Variants in ATL2 observed in about 807,000 individuals in gnomAD.
ATL2 encodes the protein atlastin-2.
A neutral mutation model predicts 73.9 loss-of-function variants in ATL2; 31 were observed. The ratio of observed to expected loss-of-function variants is 0.42; its 90% CI spans 0.32 to 0.57. ATL2 has a LOEUF of 0.57. ATL2 is among the 20% of genes least tolerant of loss of function. The probability of loss-of-function intolerance (pLI) is 0.14; values close to 1 mark genes in which losing one functional copy is unlikely to be tolerated. For synonymous variants in ATL2, 291 were observed against 237.5 expected (o/e 1.23, Z -2.07); for missense variants, 738 against 702.6 (o/e 1.05, Z -0.57).
At chr2:38,358,626 AGCT>A (rs1232591233) in intron 1 of ATL2, 2 of 238,896 alleles carry the variant, frequency 8.4e-6, no homozygotes, top group Non-Finnish European at 9.1e-6. Context: ...CAAGAGGCGG[AGCT>A]TGCAGTGAGC....
At chr2:38,300,205 G>C in intron 10 of ATL2, 67 bp downstream of exon 10, 1 of 1,369,118 alleles carries the variant, frequency 7.3e-7, no homozygotes, top group Non-Finnish European at 1.0e-6. Context: ...TCTCTCTAAA[G>C]CAAAGATTTT....
chr2:38,365,549 CG>C (rs1192678393), intron 1 of ATL2, among the ~76,000 whole-genome samples: 1 of 151,994 alleles, frequency 6.6e-6, no homozygotes, highest in African/African-American at 2.4e-5. Flanking sequence ...TTAGCACTTT[CG>C]GAGGCCAAGG....
In ATL2 at chr2:38,298,205, G is replaced by C; in HGVS notation, c.1571C>G (p.Ser524Cys). The change falls in exon 12 of 13, where the codon TCT becomes TGT. Residue 524 changes from serine (S) to cysteine (C), a missense_variant. By Grantham distance (112) the Ser-to-Cys change is moderately radical. Transcript: ENST00000378954. ...TGTTCCAATTTCTCTGAACTCCCCA[G>C]AGTATTTAACATATGCCCAAGTACA... ...FLCTWAYVKYSGEFREIGTVI... is the reference protein window; with the variant it reads ...FLCTWAYVKYCGEFREIGTVI... The C allele has an allele frequency of 1.9e-6, 3 of 1,614,024 alleles. No individual in the cohort carries two copies. The highest frequency in any genetic ancestry group is 2.5e-6 in the Non-Finnish European group (3 of 1,179,946).
At chr2:38,299,977 C>T (rs1256280985) in intron 10 of ATL2, among the ~76,000 whole-genome samples, 1 of 152,074 alleles carries the variant, frequency 6.6e-6, no homozygotes, top group Non-Finnish European at 1.5e-5. Context: ...TTCAGAGAGG[C>T]CCACATCAAG....
intron 2 of ATL2, among the ~76,000 whole-genome samples, chr2:38,326,984 T>C (rs1016608887): frequency 2.0e-5 from 3 of 150,070 alleles, no homozygotes; most frequent in African/African-American, 7.4e-5. Flanking sequence ...CAAGGCTCCA[T>C]CTCAAAAAAC....
chr2:38,315,310 G>T lies in ATL2; in HGVS notation c.628C>A (p.Gln210Lys). The T allele has an allele frequency of 6.7e-7, 1 of 1,492,406 alleles. No individual in the cohort carries two copies. Among genetic ancestry groups the T allele is most frequent in the South Asian group, 1.4e-5 (1 of 71,580 alleles). The allele number at this position is 1,492,406 out of a possible 1,614,324, so 92.4% of individuals were successfully genotyped here. ...TGCAAATGTTGAAGATCATCTTCTT[G>T]AATATTCTGAGACAGATTATATACC... Reference protein sequence around the residue: ...VQVYNLSQNIQEDDLQHLQLF... With the variant: ...VQVYNLSQNIKEDDLQHLQLF... Residue 210 changes from glutamine to lysine, a missense_variant, in exon 5 of 13, where the codon CAA becomes AAA. Physicochemically the swap from Gln to Lys is moderately conservative, Grantham distance 53. Transcript: ENST00000378954.
chr2:38,339,989 C>A (rs1362757383), intron 2 of ATL2, among the ~76,000 whole-genome samples: 1 of 152,052 alleles, frequency 6.6e-6, no homozygotes, highest in Non-Finnish European at 1.5e-5. Context: ...CAACACCCTG[C>A]CCTCATACAG....
chr2:38,300,260 C>G lies in ATL2; in HGVS notation c.1128+12G>C, dbSNP rs765595597. ...GTATATGTACAACACATATCACTCT[C>G]TCTCTCTCTACCTGAAGCATGGACT... On this transcript the variant is annotated intron_variant, in intron 10 of 12. Transcript: ENST00000378954. The G allele has an allele frequency of 3.2e-6, 5 of 1,577,824 alleles. No homozygotes were observed. Among genetic ancestry groups the G allele is most frequent in the Non-Finnish European group, 3.5e-6 (4 of 1,148,518 alleles).
intron 2 of ATL2, among the ~76,000 whole-genome samples, chr2:38,333,272 G>A (rs1333453230): frequency 6.6e-6 from 1 of 152,136 alleles, no homozygotes; most frequent in African/African-American, 2.4e-5. Flanking sequence ...CTGGGCAACA[G>A]AGCGAGACGA....
At chr2:38,347,901 G>C (rs1198981901) in intron 1 of ATL2, among the ~76,000 whole-genome samples, 2 of 151,422 alleles carry the variant, frequency 1.3e-5, no homozygotes, top group African/African-American at 4.9e-5. Flanking sequence ...AGAGTAGCTG[G>C]AACAACAGAT....
At chr2:38,357,771 A>G (rs868736622) in intron 1 of ATL2, among the ~76,000 whole-genome samples, 1 of 152,170 alleles carries the variant, frequency 6.6e-6, no homozygotes, top group Non-Finnish European at 1.5e-5. Flanking sequence ...CCTAGAATAT[A>G]TATCAAGATA....
rs188076160 is a variant in ATL2 at position 38,323,528 on chromosome 2, T to C, written c.364-4509A>G. Among the ~76,000 whole-genome samples, 349 of 151,890 alleles carry C rather than the reference T, an allele frequency of 2.3e-3. 4 individuals carry two copies. The highest frequency in any genetic ancestry group is 7.7e-3 in the African/African-American group (319 of 41,438). Reference sequence around the variant, plus strand: ...CTGAAGTTTAAGTATAATCAAATAGTGAATAAATACAGCCCTTGCCAAAAA... The same window carrying C: ...CTGAAGTTTAAGTATAATCAAATAGCGAATAAATACAGCCCTTGCCAAAAA... On this transcript the variant is annotated intron_variant, in intron 2 of 12. Transcript: ENST00000378954.
chr2:38,377,104 C>T (rs772589644), intron 1 of ATL2, 39 bp downstream of exon 1: 2 of 1,585,462 alleles, frequency 1.3e-6, no homozygotes, highest in East Asian at 2.3e-5. Flanking sequence ...GCGTCTCTCC[C>T]CATCAGGGCC....
chr2:38,357,224 A>C (rs949690070), intron 1 of ATL2, among the ~76,000 whole-genome samples: 1 of 152,060 alleles, frequency 6.6e-6, no homozygotes, highest in African/African-American at 2.4e-5. Flanking sequence ...GCTACTTGAG[A>C]GGCTGAGGCA....
At chr2:38,329,838 A>C (rs888265084) in intron 2 of ATL2, among the ~76,000 whole-genome samples, 2 of 152,144 alleles carry the variant, frequency 1.3e-5, no homozygotes, top group Non-Finnish European at 2.9e-5. Flanking sequence ...AGTCTAAAGA[A>C]AAAAAATCAG....
rs1397047508 is a variant in ATL2, at chr2:38,308,118, G to T, written c.1071+1261C>A. Among the ~76,000 whole-genome samples, 4 of 152,124 alleles carry T rather than the reference G, an allele frequency of 2.6e-5. No homozygotes were observed. In the East Asian group the frequency reaches 5.8e-4, roughly 22 times the overall value. On this transcript the variant is annotated intron_variant, in intron 9 of 12. Transcript: ENST00000378954. ...GCTGCTGCTAGGTATATACCCAAAA[G>T]AAAAAAATCAGTATATAGAAGATAC...
intron 12 of ATL2, chr2:38,296,759 C>A (rs2148396586): frequency 6.4e-7 from 1 of 1,550,394 alleles, no homozygotes; most frequent in Non-Finnish European, 8.7e-7. Context: ...TGACACAGCA[C>A]AGATCTCTGA....
intron 4 of ATL2, among the ~76,000 whole-genome samples, chr2:38,316,918 T>C (rs1056395475): frequency 6.6e-6 from 1 of 152,058 alleles, no homozygotes; most frequent in Non-Finnish European, 1.5e-5. Flanking sequence ...TGTGCCATCT[T>C]GCAAGATCAG....
In ATL2 at chr2:38,310,317, C is replaced by T. The variant is rs775659596; in HGVS notation, c.935G>A (p.Arg312Lys). The stretch of plus-strand genomic sequence containing the variant: ...AGAATGGGAATTCCCACCTTTCAAT[C>T]TCCCATCAAAACTAGGATTAGTTGC... ...KVATNPSFDG[R>K]LKDIDEDFKR... Residue 312 changes from arginine (R) to lysine (K), a missense_variant, in exon 8 of 13, where the codon AGA becomes AAA. Arg to Lys is a conservative substitution (Grantham distance 26). Transcript: ENST00000378954. The T allele has an allele frequency of 1.9e-6, 3 of 1,610,678 alleles. No individual in the cohort carries two copies. The highest frequency in any genetic ancestry group is 2.5e-6 in the Non-Finnish European group (3 of 1,179,246).
Sources: allele counts gnomAD v4.1 joint callset (sites outside exome capture counted in the v4.1 genomes callset), GRCh38; gene constraint gnomAD v4.1.1; transcripts MANE v1.5; gene names NCBI Gene and HGNC (gene_info 2026-07-23, HGNC 2026-07-21).